Variants in ITGAD observed in about 807,000 individuals in gnomAD.
ITGAD encodes integrin alpha-D.
ITGAD carries 105 observed loss-of-function variants against 139.0 expected under a neutral mutation model. That is an observed-to-expected ratio of 0.76 (90% CI 0.65 to 0.89). The LOEUF (loss-of-function observed/expected upper bound fraction) is 0.89. ITGAD is among the 40% of genes least tolerant of loss of function. The probability of loss-of-function intolerance (pLI) is 0.00; values close to 1 mark genes in which losing one functional copy is unlikely to be tolerated. For missense variants in ITGAD, 1,384 were observed against 1,487.3 expected (o/e 0.93, Z 1.14); for synonymous variants, 569 against 598.3 (o/e 0.95, Z 0.71).
chr16:31,403,983 C>T lies in ITGAD; in HGVS notation c.704+338C>T. ...CCATCCTGGCTCCCCGTGAGCTACT[C>T]TGGGTGTAACCCTGGGGTGATGGGC... On this transcript the variant is annotated intron_variant, in intron 7 of 29. Transcript: ENST00000389202. This position sits in a 1 kb window ranked among gnomAD's most constrained non-coding sequence, Gnocchi z 4.4. 3.0e-6 allele frequency: 1 copy of T among 336,938 alleles called. No homozygotes were observed. The allele number at this position is 336,938 out of a possible 1,614,324, so 20.9% of individuals were successfully genotyped here.
intron 5 of ITGAD, among the ~76,000 whole-genome samples, chr16:31,401,453 T>A (rs966686802): frequency 6.6e-6 from 1 of 152,064 alleles, no homozygotes; most frequent in African/African-American, 2.4e-5. Flanking sequence ...CAACTCCACG[T>A]AGCTGGAAAT....
rs778957834 is a variant in ITGAD, at chr16:31,410,421, G to A, written c.1110G>A (p.Gly370=). The stretch of plus-strand genomic sequence containing the variant: ...ATGGCCTCTTCCTGGGGGCTGTGGG[G>A]AGCTTTAGCTGGTCTGGAGGTGCCT... ...TMDGLFLGAV[G]SFSWSGGAFL... Residue 370 remains glycine, a synonymous_variant, in exon 11 of 30, where the codon GGG becomes GGA. Coordinates refer to ENST00000389202, the MANE Select transcript of ITGAD (RefSeq NM_005353.3). The A allele has an allele frequency of 6.2e-7, 1 of 1,614,014 alleles. No homozygotes were observed. Among genetic ancestry groups the A allele is most frequent in the Non-Finnish European group, 8.5e-7 (1 of 1,179,978 alleles).
rs367975812 is a variant in ITGAD, at chr16:31,408,459, C to T, written c.1044C>T (p.His348=). The part of the protein sequence containing the change: ...TQSRASSSFQ[H]EMSQEGFSTA... ...CCAGGGCAAGCAGCTCCTTCCAGCA[C>T]GAGATGTCCCAAGAAGGCTTCAGCA... The change falls in exon 10 of 30, where the codon CAC becomes CAT. Residue 348 remains histidine (H), a synonymous_variant. Transcript: ENST00000389202. 195 of 1,613,964 alleles carry T rather than the reference C, an allele frequency of 1.2e-4. No individual in the cohort carries two copies. The highest frequency in any genetic ancestry group is 1.4e-4 in the Non-Finnish European group (169 of 1,179,988).
Position 31,416,609 on chromosome 16 carries a change from C to A in ITGAD, c.2462C>A (p.Pro821Gln), listed in dbSNP as rs1409038318. ...SYGTVVSLYYPAGLSHRRVSG... is the reference protein window; with the variant it reads ...SYGTVVSLYYQAGLSHRRVSG... ...GGAACCGTGGTCAGCCTCTACTATC[C>A]AGCAGGGCTGTCGCACCGACGGGTG... is the stretch of plus-strand genomic sequence containing the variant. The change falls in exon 20 of 30, where the codon CCA becomes CAA. Residue 821 changes from proline (P) to glutamine (Q), a missense_variant. Transcript: ENST00000389202. 1 of 1,612,906 alleles carries A rather than the reference C, an allele frequency of 6.2e-7. No homozygotes were observed. The highest frequency in any genetic ancestry group is 1.3e-5 in the African/African-American group (1 of 75,044).
Position 31,426,105 on chromosome 16 carries a change from G to A in ITGAD, c.3463G>A (p.Ala1155Thr). ...CAGTGGGGACGATTTCAGCTGTGTG[G>A]CCCCAAATGTGCCTTTGTCCTAATA... ...TFSGDDFSCV[A>T]PNVPLS The change falls in exon 30 of 30, where the codon GCC (alanine) becomes ACC (threonine). Residue 1155 changes from alanine to threonine, a missense_variant. Physicochemically the swap from Ala to Thr is moderately conservative, Grantham distance 58 (BLOSUM62 0). Coordinates refer to ENST00000389202, the MANE Select transcript of ITGAD (RefSeq NM_005353.3). The A allele has an allele frequency of 6.2e-7, 1 of 1,612,020 alleles. No individual in the cohort carries two copies. The highest frequency in any genetic ancestry group is 8.5e-7 in the Non-Finnish European group (1 of 1,178,154).
rs754750352 is a variant in ITGAD at position 31,407,831 on chromosome 16, G to A, written c.924G>A (p.Pro308=). The change falls in exon 9 of 30, where the codon CCG becomes CCA. Residue 308 remains proline (P), a synonymous_variant. Transcript: ENST00000389202. ...QELNTISSAP[P]QDHVFKVDNF... The stretch of plus-strand genomic sequence containing the variant: ...TGAATACCATCAGCTCAGCGCCTCC[G>A]CAGGACCACGTGTTCAAGGTGGACA... 5.6e-6 allele frequency: 9 copies of A among 1,612,314 alleles called. No individual in the cohort carries two copies. The highest frequency in any genetic ancestry group is 1.1e-5 in the South Asian group (1 of 91,064).
chr16:31,412,751 CA>C lies in ITGAD; in HGVS notation c.1708-86del. 6 of 1,551,854 alleles carry C rather than the reference CA, an allele frequency of 3.9e-6. No individual in the cohort carries two copies. The South Asian group carries it at 5.8e-5, about 15-fold the overall frequency. ...CTCACCCCTTCTCTCCCTTTGCCAC[CA>C]TCCTACCTCCATATTCCCCTTGTTA... On this transcript the variant is annotated intron_variant, in intron 14 of 29. Coordinates refer to ENST00000389202, the MANE Select transcript of ITGAD (RefSeq NM_005353.3).
At position 31,393,523 on chromosome 16, in the gene ITGAD, G is replaced by T. The variant is rs1396087300; in HGVS notation, c.31+132G>T. On this transcript the variant is annotated intron_variant, in intron 1 of 29. Transcript: ENST00000389202. ...GAGCTGAGGCAGGGGAGTGCTTCAT[G>T]TGCGAGTGGCCCGGAGTCAGTAGAG... 5.0e-5 allele frequency: 47 copies of T among 934,726 alleles called. 1 individual carries two copies. The South Asian group carries it at 6.4e-4, about 13-fold the overall frequency. 57.9% of individuals were successfully genotyped at this position (934,726 alleles called of 1,614,324 possible). A position where few individuals can be genotyped will look rare whatever the true frequency, so the allele number is the denominator to read the frequency against.
rs116084641 is a variant in ITGAD, at chr16:31,410,274, G to A, written c.1084-121G>A. ...GCAGAGGCACAGAGGCTGCTGGTGC[G>A]GGCCGGGAAGACAGAGAAGAAAAGC... On this transcript the variant is annotated intron_variant, in intron 10 of 29. Coordinates refer to ENST00000389202, the MANE Select transcript of ITGAD (RefSeq NM_005353.3). 2,506 of 1,379,542 alleles carry A rather than the reference G, an allele frequency of 1.8e-3. 35 individuals carry two copies. The African/African-American group carries it at 0.032, about 18-fold the overall frequency. The allele number at this position is 1,379,542 out of a possible 1,614,324, so 85.5% of individuals were successfully genotyped here.
intron 23 of ITGAD, among the ~76,000 whole-genome samples, chr16:31,421,626 T>C (rs1288761430): frequency 6.6e-6 from 1 of 152,016 alleles, no homozygotes; most frequent in Non-Finnish European, 1.5e-5. Flanking sequence ...TTAAGATTTA[T>C]GGAGGAGTCC....
At chr16:31,425,526 C>T (rs1330949573) in intron 29 of ITGAD, among the ~76,000 whole-genome samples, 1 of 152,170 alleles carries the variant, frequency 6.6e-6, no homozygotes, top group Non-Finnish European at 1.5e-5. Flanking sequence ...AGCAGATGCT[C>T]GATATATGAT....
At chr16:31,405,216 C>A (rs74878526) in intron 7 of ITGAD, among the ~76,000 whole-genome samples, 2 of 152,064 alleles carry the variant, frequency 1.3e-5, no homozygotes, top group Admixed American at 1.3e-4. Flanking sequence ...GAACTCCTGA[C>A]CTCAAGTGAT....
In ITGAD at chr16:31,411,068, C is replaced by T; in HGVS notation, c.1357-8C>T. 6.2e-7 allele frequency: 1 copy of T among 1,611,922 alleles called. No individual in the cohort carries two copies. Among genetic ancestry groups the T allele is most frequent in the South Asian group, 1.1e-5 (1 of 90,990 alleles). The stretch of plus-strand genomic sequence containing the variant: ...GACAGGCAGCATGACCCAGGCTCTG[C>T]CCTCCAGATCGGCTCCTACTTCGGG... On this transcript the variant is annotated splice_region_variant and splice_polypyrimidine_tract_variant and intron_variant, in intron 12 of 29. Coordinates refer to ENST00000389202, the MANE Select transcript of ITGAD (RefSeq NM_005353.3).
In ITGAD at chr16:31,416,496, C is replaced by T; in HGVS notation, c.2358-9C>T. ...GAGCGCCACTCCCAGCCTCGTCCTTCCCCTTCAGCCTGCAGACCCTGACCG... is the reference window on the plus strand; with the variant it reads ...GAGCGCCACTCCCAGCCTCGTCCTTTCCCTTCAGCCTGCAGACCCTGACCG... On this transcript the variant is annotated splice_polypyrimidine_tract_variant and intron_variant, in intron 19 of 29. Transcript: ENST00000389202. 1 of 1,604,668 alleles carries T rather than the reference C, an allele frequency of 6.2e-7. No homozygotes were observed. The highest frequency in any genetic ancestry group is 8.5e-7 in the Non-Finnish European group (1 of 1,172,248).
intron 18 of ITGAD, 60 bp from the exon 19 acceptor site, chr16:31,416,153 G>C: frequency 7.2e-7 from 1 of 1,381,894 alleles, no homozygotes; most frequent in East Asian, 2.5e-5. Context: ...TGCTTCTAAG[G>C]AGGGGCTTGG....
chr16:31,408,293 G>A (rs2081591096), intron 9 of ITGAD, 132 bp from the exon 10 acceptor site: 2 of 741,776 alleles, frequency 2.7e-6, no homozygotes, highest in Admixed American at 4.1e-5. Flanking sequence ...GTCTTGATGG[G>A]CCATTCCTGT....
intron 29 of ITGAD, among the ~76,000 whole-genome samples, chr16:31,425,061 C>G (rs926059845): frequency 6.6e-6 from 1 of 152,066 alleles, no homozygotes; most frequent in Non-Finnish European, 1.5e-5. Context: ...CCTCTCTAAG[C>G]CTGTTTCTCT....
At position 31,403,674 on chromosome 16, in the gene ITGAD, T is replaced by C. The variant is rs775145854; in HGVS notation, c.704+29T>C. The C allele has an allele frequency of 2.5e-6, 4 of 1,613,404 alleles. No individual in the cohort carries two copies. The highest frequency in any genetic ancestry group is 1.3e-5 in the African/African-American group (1 of 74,910). On this transcript the variant is annotated intron_variant, in intron 7 of 29. Coordinates refer to ENST00000389202, the MANE Select transcript of ITGAD (RefSeq NM_005353.3). The surrounding 1 kb of genome is among the most constrained non-coding windows in gnomAD (Gnocchi z 4.4). Reference sequence around the variant, plus strand: ...AGCAACCCCGACCCCAGCCTGGCGATGTGACTGCCACCCCCACTTCCTAAC... The same window carrying C: ...AGCAACCCCGACCCCAGCCTGGCGACGTGACTGCCACCCCCACTTCCTAAC...
intron 1 of ITGAD, 99 bp from the exon 2 acceptor site, chr16:31,394,130 CAAAAAAA>C (rs943198130): frequency 6.2e-5 from 26 of 417,062 alleles, no homozygotes; most frequent in Middle Eastern, 4.9e-4. Context: ...GACTCCATCT[CAAAAAAA>C]AAAAAAAAAA....
Sources: gnomAD v4.1 joint callset for allele counts (sites outside exome capture counted in the v4.1 genomes callset) on GRCh38, gnomAD v4.1.1 for gene constraint, Gnocchi (gnomAD v3.1) non-coding constraint, MANE v1.5 for transcripts, NCBI Gene and HGNC (gene_info 2026-07-23, HGNC 2026-07-21) for gene names.